TMEM132B: variants seen among roughly 807,000 people sequenced by gnomAD.
TMEM132B encodes the protein transmembrane protein 132B.
Under a neutral mutation model 90.8 loss-of-function variants are expected in TMEM132B, and 18 were observed. The ratio of observed to expected loss-of-function variants is 0.20; its 90% CI spans 0.14 to 0.29. The LOEUF (loss-of-function observed/expected upper bound fraction) is 0.29. TMEM132B is among the 10% of genes least tolerant of loss of function. TMEM132B has a pLI of 1.00. For synonymous variants in TMEM132B, 504 were observed against 523.3 expected (o/e 0.96, Z 0.50); for missense variants, 1,096 against 1,326.8 (o/e 0.83, Z 2.70).
intron 3 of TMEM132B, among the ~76,000 whole-genome samples, chr12:125,465,353 A>C (rs1881536012): frequency 6.6e-6 from 1 of 152,222 alleles, no homozygotes; most frequent in East Asian, 1.9e-4. Flanking sequence ...ATATTATTCT[A>C]ATTGATGAGA....
chr12:125,193,385 C>G (rs1275277879), intron 1 of TMEM132B, among the ~76,000 whole-genome samples: 1 of 152,204 alleles, frequency 6.6e-6, no homozygotes, highest in Non-Finnish European at 1.5e-5. Flanking sequence ...TTTCCCTGCC[C>G]TCAGGCCTGG....
At chr12:125,370,687 G>T (rs1025253838) in intron 2 of TMEM132B, among the ~76,000 whole-genome samples, 1 of 152,294 alleles carries the variant, frequency 6.6e-6, no homozygotes, top group Middle Eastern at 3.4e-3. Flanking sequence ...GGGATTATAG[G>T]CATGAGCTAC....
chr12:125,529,981 A>G (rs532518035), intron 4 of TMEM132B, among the ~76,000 whole-genome samples: 9 of 152,262 alleles, frequency 5.9e-5, no homozygotes, highest in Middle Eastern at 3.4e-3. Flanking sequence ...GTGAGCTGTG[A>G]TTGTGCCACC....
intron 2 of TMEM132B, among the ~76,000 whole-genome samples, chr12:125,353,111 T>TCACTGCCTCTGCCTCTCAG (rs1877644599): frequency 6.6e-6 from 1 of 152,194 alleles, no homozygotes; most frequent in Non-Finnish European, 1.5e-5. Flanking sequence ...AGGGATGGCT[T>TCACTGCCTCTGCCTCTCAG]CACTGCCTCT....
rs541470158 is a variant in TMEM132B at position 125,251,774 on chromosome 12, T to C, written c.67+64908T>C. 1.4e-4 allele frequency among the ~76,000 whole-genome samples: 21 copies of C among 152,286 alleles called. 1 individual carries two copies. The South Asian group carries it at 4.1e-3, about 30-fold the overall frequency. Reference sequence around the variant, plus strand: ...AGCCCAGTGTTGCCAGAGCTGATTTTCCTAGAAAGGCCATTCGTTTGGATT... The same window carrying C: ...AGCCCAGTGTTGCCAGAGCTGATTTCCCTAGAAAGGCCATTCGTTTGGATT... On this transcript the variant is annotated intron_variant, in intron 1 of 8. Transcript: ENST00000682704. This position sits in a 1 kb window ranked among gnomAD's most constrained non-coding sequence, Gnocchi z 4.4.
chr12:125,633,482 T>C (rs1253714336), intron 5 of TMEM132B, among the ~76,000 whole-genome samples: 1 of 152,226 alleles, frequency 6.6e-6, no homozygotes, highest in Admixed American at 6.5e-5. Context: ...TTGATACTTG[T>C]AGATGTTTAA....
At chr12:125,205,783 G>A (rs1445405074) in intron 1 of TMEM132B, among the ~76,000 whole-genome samples, 2 of 152,210 alleles carry the variant, frequency 1.3e-5, no homozygotes, top group African/African-American at 4.8e-5. Context: ...TGGAAACCAC[G>A]TCCGTCGCAT....
intron 1 of TMEM132B, among the ~76,000 whole-genome samples, chr12:125,274,497 G>A (rs1256938351): frequency 6.6e-6 from 1 of 152,202 alleles, no homozygotes; most frequent in African/African-American, 2.4e-5. Flanking sequence ...CCGCTCTGGC[G>A]ACACAGAGGT....
chr12:125,326,510 AGTAAACATCG>A, intron 1 of TMEM132B: 2 of 1,221,042 alleles, frequency 1.6e-6, no homozygotes, highest in Non-Finnish European at 2.3e-6. Flanking sequence ...CAACCTGTAT[AGTAAACATCG>A]GCTTAATGCT....
chr12:125,445,516 A>G lies in TMEM132B; in HGVS notation c.1106+29839A>G, dbSNP rs376503973. On this transcript the variant is annotated intron_variant, in intron 3 of 8. Coordinates refer to ENST00000682704, the MANE Select transcript of TMEM132B (RefSeq NM_001366854.1). The surrounding 1 kb of genome is among the most constrained non-coding windows in gnomAD (Gnocchi z 4.3). ...GCAGAGGACACTGGAGGAACATGGT[A>G]GGAGGAGGGATCTGCATCTGGAGTG... is the stretch of plus-strand genomic sequence containing the variant. 6.6e-5 allele frequency among the ~76,000 whole-genome samples: 10 copies of G among 152,312 alleles called. No homozygotes were observed. The East Asian group carries it at 1.7e-3, about 26-fold the overall frequency.
intron 1 of TMEM132B, among the ~76,000 whole-genome samples, chr12:125,222,653 C>T (rs534048354): frequency 6.6e-6 from 1 of 152,224 alleles, no homozygotes; most frequent in Non-Finnish European, 1.5e-5. Context: ...TCCCTCTAGA[C>T]CAAGGGTTCT....
intron 1 of TMEM132B, among the ~76,000 whole-genome samples, chr12:125,273,158 ATATCTCTATT>A (rs1874887507): frequency 2.0e-5 from 3 of 152,286 alleles, no homozygotes; most frequent in Non-Finnish European, 4.4e-5. Context: ...GAACACACAT[ATATCTCTATT>A]TATCTCTCTC....
intron 3 of TMEM132B, among the ~76,000 whole-genome samples, chr12:125,493,123 G>T (rs1882399354): frequency 6.6e-6 from 1 of 152,140 alleles, no homozygotes; most frequent in African/African-American, 2.4e-5. Context: ...CTTAGCTCAT[G>T]CAGTCCTCAA....
chr12:125,267,466 G>T lies in TMEM132B; in HGVS notation c.67+80600G>T, dbSNP rs536134813. 2.6e-4 allele frequency among the ~76,000 whole-genome samples: 39 copies of T among 152,284 alleles called. 1 individual carries two copies. The highest frequency in any genetic ancestry group is 8.7e-4 in the African/African-American group (36 of 41,560). Reference sequence around the variant, plus strand: ...AGGTAATCTCCGACCTTGTGTGTTGGGGGGTTCCATGAATAAAAGGAAGAA... The same window carrying T: ...AGGTAATCTCCGACCTTGTGTGTTGTGGGGTTCCATGAATAAAAGGAAGAA... On this transcript the variant is annotated intron_variant, in intron 1 of 8. Transcript: ENST00000682704.
intron 3 of TMEM132B, among the ~76,000 whole-genome samples, chr12:125,416,101 A>C (rs2136362843): frequency 2.0e-5 from 3 of 152,284 alleles, no homozygotes; most frequent in Middle Eastern, 3.4e-3. Context: ...AATTTGAATG[A>C]ACTTGGCATT....
intron 1 of TMEM132B, among the ~76,000 whole-genome samples, chr12:125,310,945 T>A (rs1876108403): frequency 6.6e-6 from 1 of 152,214 alleles, no homozygotes; most frequent in Admixed American, 6.5e-5. Context: ...TGAGTACTGG[T>A]GTCCGAGGCT....
At chr12:125,313,924 T>G (rs1437975647) in intron 1 of TMEM132B, among the ~76,000 whole-genome samples, 2 of 151,632 alleles carry the variant, frequency 1.3e-5, no homozygotes, top group African/African-American at 4.8e-5. Flanking sequence ...CGCCAAAGTG[T>G]CTGGCCAGCC....
At chr12:125,541,152 C>T (rs1280293087) in intron 4 of TMEM132B, among the ~76,000 whole-genome samples, 2 of 152,222 alleles carry the variant, frequency 1.3e-5, no homozygotes, top group Non-Finnish European at 2.9e-5. Flanking sequence ...TCCTTTTATG[C>T]TGCTTCAGTT....
At chr12:125,503,488 A>G (rs1882751204) in intron 3 of TMEM132B, among the ~76,000 whole-genome samples, 1 of 152,130 alleles carries the variant, frequency 6.6e-6, no homozygotes, top group South Asian at 2.1e-4. Context: ...TCGTTATTTG[A>G]AATAGTTTTC....
Sources: allele counts gnomAD v4.1 joint callset (sites outside exome capture counted in the v4.1 genomes callset), GRCh38; gene constraint gnomAD v4.1.1; non-coding constraint Gnocchi (gnomAD v3.1); transcripts MANE v1.5; gene names NCBI Gene and HGNC (gene_info 2026-07-23, HGNC 2026-07-21).